The following TMPRSS15 variants were observed in gnomAD, a reference collection of about 807,000 sequenced individuals.
TMPRSS15 encodes enteropeptidase.
In TMPRSS15, 128 loss-of-function variants were observed where a neutral mutation model predicts 125.3. That is an observed-to-expected ratio of 1.02 (90% CI 0.89 to 1.18). TMPRSS15 has a LOEUF of 1.18. Among genes scored for constraint, TMPRSS15 ranks in the 50% most tolerant of loss-of-function variants. The pLI is 0.00. For synonymous variants in TMPRSS15, 446 were observed against 423.2 expected (o/e 1.05, Z -0.66); for missense variants, 1,283 against 1,212.7 (o/e 1.06, Z -0.86).
intron 19 of TMPRSS15, among the ~76,000 whole-genome samples, chr21:18,296,647 A>G (rs1454014733): frequency 6.6e-6 from 1 of 152,196 alleles, no homozygotes; most frequent in Non-Finnish European, 1.5e-5. Flanking sequence ...AAATTTTTAA[A>G]TGCCTCTAAG....
At chr21:18,300,945 T>C (rs905613431) in intron 18 of TMPRSS15, among the ~76,000 whole-genome samples, 2 of 152,218 alleles carry the variant, frequency 1.3e-5, no homozygotes, top group South Asian at 2.1e-4. Context: ...GCAGAGAAAA[T>C]TGGAGATACA....
chr21:18,279,186 T>C (rs1452775417), intron 22 of TMPRSS15, 127 bp from the exon 23 acceptor site: 2 of 624,580 alleles, frequency 3.2e-6, no homozygotes, highest in African/African-American at 1.9e-5. Context: ...TTTTTTTTAA[T>C]CCTACCTGTA....
At position 18,294,339 on chromosome 21, in the gene TMPRSS15, C is replaced by T. The variant is rs774505357; in HGVS notation, c.2417G>A (p.Gly806Asp). The T allele has an allele frequency of 1.9e-6, 3 of 1,614,240 alleles. No individual in the cohort carries two copies. The Admixed American group carries it at 5.0e-5, about 27-fold the overall frequency. ...WPWVVGLYYG[G>D]RLLCGASLVS... The stretch of plus-strand genomic sequence containing the variant: ...GAGAGATGCGCCGCAGAGCAGTCGG[C>T]CGCCATAATACAGACCCACAACCCA... The change falls in exon 21 of 25, where the codon GGC becomes GAC. Residue 806 changes from glycine (G) to aspartate (D), a missense_variant. Physicochemically the swap from Gly to Asp is moderately conservative, Grantham distance 94. Coordinates refer to ENST00000284885, the MANE Select transcript of TMPRSS15 (RefSeq NM_002772.3).
At chr21:18,339,671 T>C (rs1169079817) in intron 13 of TMPRSS15, among the ~76,000 whole-genome samples, 1 of 145,554 alleles carries the variant, frequency 6.9e-6, no homozygotes, top group Non-Finnish European at 1.5e-5. Context: ...ACCACCACAA[T>C]CCAAAGAAAA....
chr21:18,384,152 G>T (rs1394292949), intron 3 of TMPRSS15, among the ~76,000 whole-genome samples: 1 of 152,100 alleles, frequency 6.6e-6, no homozygotes, highest in Non-Finnish European at 1.5e-5. Context: ...GTATGGATTT[G>T]TAGTTTTTCA....
intron 6 of TMPRSS15, among the ~76,000 whole-genome samples, chr21:18,368,646 T>C (rs1179575332): frequency 2.0e-5 from 3 of 152,186 alleles, no homozygotes. Context: ...TTTATCATAG[T>C]ATTTAGCCTG....
intron 10 of TMPRSS15, among the ~76,000 whole-genome samples, chr21:18,350,778 A>G (rs1020134329): frequency 9.9e-5 from 15 of 151,540 alleles, no homozygotes; most frequent in African/African-American, 2.9e-4. Flanking sequence ...ATAATTTCCT[A>G]TTCTCTGTTT....
chr21:18,365,632 T>C (rs8132307), intron 6 of TMPRSS15, among the ~76,000 whole-genome samples: 1,337 of 84,384 alleles, frequency 0.016, 166 homozygotes, highest in African/African-American at 0.059. Flanking sequence ...TTCTTTCTCT[T>C]TCTCTCTCTT....
At chr21:18,389,084 GAGAA>G (rs758651850) in intron 3 of TMPRSS15, among the ~76,000 whole-genome samples, 9 of 133,862 alleles carry the variant, frequency 6.7e-5, no homozygotes, top group South Asian at 4.7e-4. Context: ...ATAAAGACAA[GAGAA>G]AGAAAGAAAG....
chr21:18,427,158 G>A (rs1298400932), intron 1 of TMPRSS15, among the ~76,000 whole-genome samples: 1 of 152,208 alleles, frequency 6.6e-6, no homozygotes, highest in Admixed American at 6.5e-5. Flanking sequence ...AGCCCTCTGA[G>A]AACAGATTCA....
At chr21:18,349,870 G>A (rs1033181156) in intron 10 of TMPRSS15, among the ~76,000 whole-genome samples, 33 of 152,212 alleles carry the variant, frequency 2.2e-4, no homozygotes, top group Non-Finnish European at 1.5e-4. Flanking sequence ...TTGGCAAGCC[G>A]AAAACATTTT....
In TMPRSS15 at chr21:18,413,356, CTTCCT is replaced by C. The variant is rs1160575248; in HGVS notation, c.11-15032_11-15028del. ...CCTTCCTTCCTTCCTTCCTTCCTTC[CTTCCT>C]TTCCTTCCTTCCTTCCTTTCTTTCT... On this transcript the variant is annotated intron_variant, in intron 1 of 7. Coordinates refer to the TMPRSS15 transcript ENST00000422787. 6.3e-5 allele frequency among the ~76,000 whole-genome samples: 8 copies of C among 127,972 alleles called. No individual in the cohort carries two copies. In the East Asian group the frequency reaches 6.7e-4, roughly 11 times the overall value. 84.0% of individuals were successfully genotyped at this position (127,972 alleles called of 152,430 possible).
At chr21:18,345,217 A>G (rs2075492292) in intron 10 of TMPRSS15, among the ~76,000 whole-genome samples, 1 of 152,178 alleles carries the variant, frequency 6.6e-6, no homozygotes, top group African/African-American at 2.4e-5. Flanking sequence ...TGTGTTTAAA[A>G]TTTTATATTA....
At chr21:18,279,243 C>A (rs1387922575) in intron 22 of TMPRSS15, among the ~76,000 whole-genome samples, 184 bp from the exon 23 acceptor site, 2 of 146,596 alleles carry the variant, frequency 1.4e-5, no homozygotes, top group African/African-American at 5.0e-5. Flanking sequence ...TTCAGAGCAG[C>A]ACTTTTTGAC....
rs769392758 is a variant in TMPRSS15 at position 18,278,924 on chromosome 21, G to GTTTGTT, written c.2764+39_2764+40insAACAAA. ...TGACAGTCTGTTTTTCACCAGTAAG[G>GTTTGTT]TTTTTTTTTTTTTTTTTTTTTTTGA... is the stretch of plus-strand genomic sequence containing the variant. On this transcript the variant is annotated intron_variant, in intron 23 of 24. Coordinates refer to ENST00000284885, the MANE Select transcript of TMPRSS15 (RefSeq NM_002772.3). 1,244 of 440,134 alleles carry GTTTGTT rather than the reference G, an allele frequency of 2.8e-3. 38 individuals carry two copies. The African/African-American group carries it at 0.038, about 13-fold the overall frequency. 27.3% of individuals were successfully genotyped at this position (440,134 alleles called of 1,614,324 possible). A position where few individuals can be genotyped will look rare whatever the true frequency, so the allele number is the denominator to read the frequency against.
chr21:18,459,542 G>T (rs1316966200), intron 1 of TMPRSS15, among the ~76,000 whole-genome samples: 1 of 152,112 alleles, frequency 6.6e-6, no homozygotes, highest in Admixed American at 6.5e-5. Context: ...CCAAAGTGCT[G>T]GGATTACAGG....
intron 24 of TMPRSS15, among the ~76,000 whole-genome samples, chr21:18,272,761 G>T (rs1304035210): frequency 1.3e-5 from 2 of 151,830 alleles, no homozygotes; most frequent in South Asian, 4.2e-4. Context: ...AAATACATAC[G>T]TAAATAAATA....
chr21:18,294,466 G>A, intron 20 of TMPRSS15, 22 bp from the exon 21 acceptor site: 1 of 1,613,994 alleles, frequency 6.2e-7, no homozygotes, highest in Non-Finnish European at 8.5e-7. Flanking sequence ...ATTGGAGAAA[G>A]AGCATCTATT....
In TMPRSS15 at chr21:18,313,078, C is replaced by G. The variant is rs757525993; in HGVS notation, c.2033-1G>C. The G allele has an allele frequency of 3.7e-6, 6 of 1,611,040 alleles. No homozygotes were observed. In the Admixed American group the frequency reaches 8.3e-5, roughly 22 times the overall value. On this transcript the variant is annotated splice_acceptor_variant, in intron 17 of 24. Coordinates refer to ENST00000284885, the MANE Select transcript of TMPRSS15 (RefSeq NM_002772.3). LOFTEE classifies it high-confidence loss of function. ...TTCGTTGTGCCATTGAAAAAACGCA[C>G]TAAAGACACAGAGAGCATAATGGTA...
Sources: allele counts gnomAD v4.1 joint callset (sites outside exome capture counted in the v4.1 genomes callset), GRCh38; gene constraint gnomAD v4.1.1; transcripts MANE v1.5; gene names NCBI Gene and HGNC (gene_info 2026-07-23, HGNC 2026-07-21).